FANCD2: variants seen among roughly 807,000 people sequenced by gnomAD.
FANCD2 encodes the protein FA complementation group D2, also known as Fanconi anemia group D2 protein.
A neutral mutation model predicts 192.3 loss-of-function variants in FANCD2; 131 were observed. That is an observed-to-expected ratio of 0.68 (90% CI 0.59 to 0.79). The LOEUF (loss-of-function observed/expected upper bound fraction) is 0.79. FANCD2 is among the 30% of genes least tolerant of loss of function. FANCD2 has a pLI of 0.00. For synonymous variants in FANCD2, 524 were observed against 612.5 expected (o/e 0.86, Z 2.13); for missense variants, 1,508 against 1,701.6 (o/e 0.89, Z 2.00).
chr3:10,032,284 A>G (rs2086621725), intron 2 of FANCD2: 2 of 400,146 alleles, frequency 5.0e-6, no homozygotes, highest in African/African-American at 2.1e-5. Context: ...TATTTGTTTG[A>G]ATTTATTTTT....
Position 10,048,045 on chromosome 3 carries a change from C to G in FANCD2, c.1407C>G (p.Cys469Trp). The G allele has an allele frequency of 1.2e-6, 2 of 1,614,240 alleles. No individual in the cohort carries two copies. The highest frequency in any genetic ancestry group is 1.7e-6 in the Non-Finnish European group (2 of 1,180,040). ...CATTTAAGTTTTTTGACACGTACTG[C>G]CAGCAGGTATGTTGAAACATTTATT... Reference protein sequence around the residue: ...KYAFKFFDTYCQQEVVGALVT... With the variant: ...KYAFKFFDTYWQQEVVGALVT... Residue 469 changes from cysteine (C) to tryptophan (W), a missense_variant, in exon 16 of 44, where the codon TGC becomes TGG. Cys to Trp is a radical substitution (Grantham distance 215). Transcript: ENST00000675286.
chr3:10,032,552 C>G (rs1364295861), intron 2 of FANCD2: 1 of 368,986 alleles, frequency 2.7e-6, no homozygotes, highest in Non-Finnish European at 5.1e-6. Context: ...AGTGATCCTC[C>G]TGCCTTGGCC....
At chr3:10,089,708 T>C (rs912537401) in intron 36 of FANCD2, among the ~76,000 whole-genome samples, 7 of 152,216 alleles carry the variant, frequency 4.6e-5, no homozygotes, top group Admixed American at 2.6e-4. Flanking sequence ...CCTCAGGTGA[T>C]CTGCCTGCCT....
rs1297743275 is a variant in FANCD2, at chr3:10,085,911, G to A, written c.3324G>A (p.Glu1108=). 1.9e-6 allele frequency: 3 copies of A among 1,610,290 alleles called. No homozygotes were observed. The highest frequency in any genetic ancestry group is 1.7e-5 in the Admixed American group (1 of 59,996). The part of the protein sequence containing the change: ...LKQGEHSQPL[E]ELLSQSVHYL... ...AGGGAGAACACAGCCAGCCTTTGGAGGAACTACTCAGGTGAGTCATAACTA... is the reference window on the plus strand; with the variant it reads ...AGGGAGAACACAGCCAGCCTTTGGAAGAACTACTCAGGTGAGTCATAACTA... Residue 1108 remains glutamate (E), a synonymous_variant, in exon 33 of 44, where the codon GAG becomes GAA. Transcript: ENST00000675286.
intron 19 of FANCD2, among the ~76,000 whole-genome samples, chr3:10,061,868 T>C (rs2087577121): frequency 6.6e-6 from 1 of 151,822 alleles, no homozygotes; most frequent in Non-Finnish European, 1.5e-5. Context: ...ATTAAAATTC[T>C]GTGTTTTTAC....
intron 43 of FANCD2, chr3:10,099,035 G>A: frequency 6.2e-7 from 1 of 1,607,486 alleles, no homozygotes; most frequent in South Asian, 1.1e-5. Flanking sequence ...TCGAGTTGTG[G>A]CATTTGTTAT....
chr3:10,092,123 A>G (rs375610861), intron 37 of FANCD2, 58 bp from the exon 38 acceptor site: 1 of 1,123,414 alleles, frequency 8.9e-7, no homozygotes, highest in Non-Finnish European at 1.4e-6. Flanking sequence ...TAGTGGGAAT[A>G]CAGTAAGGGA....
intron 18 of FANCD2, among the ~76,000 whole-genome samples, chr3:10,057,264 C>T (rs1313163716): frequency 6.6e-6 from 1 of 152,150 alleles, no homozygotes; most frequent in Non-Finnish European, 1.5e-5. Flanking sequence ...TATTTTCTCC[C>T]ATTCTATGGG....
At position 10,085,811 on chromosome 3, in the gene FANCD2, G is replaced by C; in HGVS notation, c.3225-1G>C. On this transcript the variant is annotated splice_acceptor_variant, in intron 32 of 43. Coordinates refer to ENST00000675286, the MANE Select transcript of FANCD2 (RefSeq NM_001018115.3). LOFTEE classifies it high-confidence loss of function. ...AACCCCTCTTACCTTGACTTCCTTA[G>C]GAGTGGATTTTCTCAACCTGAAAAT... 1 of 1,605,608 alleles carries C rather than the reference G, an allele frequency of 6.2e-7. No homozygotes were observed.
chr3:10,051,672 G>T (rs140037501), intron 17 of FANCD2, among the ~76,000 whole-genome samples: 2,018 of 152,196 alleles, frequency 0.013, 149 homozygotes, highest in Admixed American at 0.11. Context: ...TTTAGATGAG[G>T]AGGTTTGAGA....
chr3:10,084,782 G>T (rs1422320167), intron 32 of FANCD2, among the ~76,000 whole-genome samples: 1 of 152,198 alleles, frequency 6.6e-6, no homozygotes, highest in African/African-American at 2.4e-5. Context: ...GTCAGATTGT[G>T]CTGGGCCTCA....
At chr3:10,079,420 G>T (rs7641192) in intron 30 of FANCD2, among the ~76,000 whole-genome samples, 56,460 of 151,694 alleles carry the variant, frequency 0.37, 14,832 homozygotes, top group African/African-American at 0.76. Flanking sequence ...TTCTCCTGCT[G>T]CAGCCTCCTG....
chr3:10,064,623 A>G, intron 22 of FANCD2, 106 bp from the exon 23 acceptor site: 4 of 1,348,296 alleles, frequency 3.0e-6, no homozygotes, highest in Non-Finnish European at 4.3e-6. Context: ...TGTTCTTCTA[A>G]TTTCTCCCCA....
intron 10 of FANCD2, 112 bp downstream of exon 10, chr3:10,041,822 G>T: frequency 5.3e-6 from 4 of 748,692 alleles, no homozygotes; most frequent in African/African-American, 1.8e-5. Flanking sequence ...AAACCATAGT[G>T]AATCACATTT....
intron 5 of FANCD2, 33 bp downstream of exon 5, chr3:10,034,831 T>C (rs779309780): frequency 6.7e-7 from 1 of 1,491,162 alleles, no homozygotes; most frequent in Non-Finnish European, 9.2e-7. Flanking sequence ...CTTGCTGAAA[T>C]TCAGTCTGTT....
In FANCD2 at chr3:10,067,070, G is replaced by A. The variant is rs539827286; in HGVS notation, c.2386-139G>A. 183 of 676,342 alleles carry A rather than the reference G, an allele frequency of 2.7e-4. 1 individual carries two copies. Among genetic ancestry groups the A allele is most frequent in the South Asian group, 2.7e-3 (172 of 63,872 alleles). 41.9% of individuals were successfully genotyped at this position (676,342 alleles called of 1,614,324 possible). A position where few individuals can be genotyped will look rare whatever the true frequency, so the allele number is the denominator to read the frequency against. The stretch of plus-strand genomic sequence containing the variant: ...CAGAGATTTTTTTTCTGTATACCAC[G>A]TTGTTGAGGACAGTTCTATTACAGA... On this transcript the variant is annotated intron_variant, in intron 25 of 43. Coordinates refer to ENST00000675286, the MANE Select transcript of FANCD2 (RefSeq NM_001018115.3).
chr3:10,097,624 A>G lies in FANCD2; in HGVS notation c.4186-1096A>G, dbSNP rs149391800. ...TGTTTTTTCAGGGTGCCCACATTTC[A>G]TATTGCTCAAACACACATGCTGTAC... On this transcript the variant is annotated intron_variant, in intron 42 of 43. Coordinates refer to ENST00000675286, the MANE Select transcript of FANCD2 (RefSeq NM_001018115.3). Among the ~76,000 whole-genome samples, 1,254 of 152,286 alleles carry G rather than the reference A, an allele frequency of 8.2e-3. 21 individuals carry two copies. Among genetic ancestry groups the G allele is most frequent in the African/African-American group, 0.028 (1,177 of 41,554 alleles).
chr3:10,053,984 G>C (rs1401263863), intron 18 of FANCD2, among the ~76,000 whole-genome samples: 2 of 152,080 alleles, frequency 1.3e-5, no homozygotes, highest in South Asian at 4.1e-4. Context: ...GCCAAGGCAG[G>C]CGAATCACAT....
At chr3:10,092,672 CCT>C (rs1178741993) in intron 38 of FANCD2, among the ~76,000 whole-genome samples, 1 of 150,030 alleles carries the variant, frequency 6.7e-6, no homozygotes, top group African/African-American at 2.5e-5. Flanking sequence ...TGTCTCTCCA[CCT>C]CTTTCATGTC....
Sources: allele counts gnomAD v4.1 joint callset (sites outside exome capture counted in the v4.1 genomes callset), GRCh38; gene constraint gnomAD v4.1.1; transcripts MANE v1.5; gene names NCBI Gene and HGNC (gene_info 2026-07-23, HGNC 2026-07-21).